Variants in ARHGEF28 observed in about 807,000 individuals in gnomAD.
The protein encoded by ARHGEF28 is Rho guanine nucleotide exchange factor 28.
Under a neutral mutation model 206.6 loss-of-function variants are expected in ARHGEF28, and 152 were observed. That is an observed-to-expected ratio of 0.74 (90% CI 0.64 to 0.84). The LOEUF is 0.84. Ranked by LOEUF, ARHGEF28 falls within the 40% of genes least tolerant of loss-of-function variation. The pLI, the probability that ARHGEF28 is intolerant of heterozygous loss-of-function variation, is 0.00. For synonymous variants in ARHGEF28, 763 were observed against 776.4 expected, an observed-to-expected ratio of 0.98 and a Z score of 0.29; for missense variants, 2,028 against 2,073.2, an observed-to-expected ratio of 0.98 and a Z score of 0.42.
chr5:73,909,588 G>C lies in ARHGEF28; in HGVS notation c.4338G>C (p.Gln1446His), dbSNP rs1193710537. Residue 1446 changes from glutamine to histidine, a missense_variant, in exon 34 of 36, where the codon CAG becomes CAC. Transcript: ENST00000513042. ...ELANVHQLQH[Q>H]LQQEQRRWLR... ...CCAATGTGCACCAGCTTCAGCACCA[G>C]CTCCAGCAGGAGCAGCGGCGCTGGC... 6.4e-7 allele frequency: 1 copy of C among 1,560,262 alleles called. No individual in the cohort carries two copies. The highest frequency in any genetic ancestry group is 1.2e-5 in the South Asian group (1 of 85,084).
chr5:73,657,723 A>AAGCC (rs1367701170), intron 1 of ARHGEF28, among the ~76,000 whole-genome samples: 2 of 152,208 alleles, frequency 1.3e-5, no homozygotes, highest in Admixed American at 6.5e-5. Flanking sequence ...TTCCTCACTC[A>AAGCC]TCAAAGACTT....
At chr5:73,666,150 G>T (rs934163970) in intron 1 of ARHGEF28, among the ~76,000 whole-genome samples, 8 of 152,152 alleles carry the variant, frequency 5.3e-5, no homozygotes, top group Admixed American at 4.6e-4. Flanking sequence ...GAAAAAAAGG[G>T]GTACCTGCTC....
At chr5:73,874,682 C>T (rs1760341778) in intron 22 of ARHGEF28, among the ~76,000 whole-genome samples, 1 of 149,874 alleles carries the variant, frequency 6.7e-6, no homozygotes, top group Admixed American at 6.7e-5. Flanking sequence ...GGTTTTTTGT[C>T]CTTGCGATAG....
At chr5:73,796,665 G>A (rs1161153757) in intron 9 of ARHGEF28, among the ~76,000 whole-genome samples, 1 of 152,186 alleles carries the variant, frequency 6.6e-6, no homozygotes, top group African/African-American at 2.4e-5. Flanking sequence ...TGCTGCATGT[G>A]GCCCTACTGA....
At chr5:73,667,575 GC>G (rs1746037330) in intron 1 of ARHGEF28, among the ~76,000 whole-genome samples, 1 of 152,182 alleles carries the variant, frequency 6.6e-6, no homozygotes, top group African/African-American at 2.4e-5. Context: ...ATAGACTCTG[GC>G]TTCCTTCTAT....
intron 2 of ARHGEF28, among the ~76,000 whole-genome samples, chr5:73,685,953 T>C (rs1181479963): frequency 6.6e-6 from 1 of 152,154 alleles, no homozygotes; most frequent in Non-Finnish European, 1.5e-5. Context: ...GAATCCTCAA[T>C]TGATGAGAAT....
At chr5:73,761,808 G>C (rs1393807999) in intron 4 of ARHGEF28, among the ~76,000 whole-genome samples, 5 of 152,030 alleles carry the variant, frequency 3.3e-5, no homozygotes, top group Non-Finnish European at 7.4e-5. Flanking sequence ...GTGAGCCTGG[G>C]TCCTTAGAAT....
At chr5:73,803,333 C>G (rs2129403) in intron 9 of ARHGEF28, 1 of 159,260 alleles carries the variant, frequency 6.3e-6, no homozygotes, top group Non-Finnish European at 1.5e-5. Flanking sequence ...TTAGAATCTT[C>G]GCATTTGAAA....
At chr5:73,877,702 G>A (rs1396827468) in intron 22 of ARHGEF28, among the ~76,000 whole-genome samples, 10 of 150,994 alleles carry the variant, frequency 6.6e-5, no homozygotes, top group Admixed American at 5.3e-4. Context: ...TCAGGAGCAG[G>A]TTGTTCAGTT....
chr5:73,771,626 A>G (rs1248971640), intron 4 of ARHGEF28, among the ~76,000 whole-genome samples: 6 of 151,754 alleles, frequency 4.0e-5, no homozygotes, highest in Admixed American at 3.9e-4. Context: ...TGTGTTGGGG[A>G]GTACACATGC....
intron 16 of ARHGEF28, among the ~76,000 whole-genome samples, chr5:73,858,840 G>A (rs1759212615): frequency 6.6e-6 from 1 of 152,162 alleles, no homozygotes; most frequent in African/African-American, 2.4e-5. Context: ...CTCAAGTATA[G>A]ACTGAAGTCC....
chr5:73,668,918 C>T (rs374719781), intron 1 of ARHGEF28, among the ~76,000 whole-genome samples: 26 of 152,264 alleles, frequency 1.7e-4, no homozygotes, highest in East Asian at 5.8e-4. Flanking sequence ...CCACTTCAAA[C>T]GCTTCAGTAA....
intron 11 of ARHGEF28, among the ~76,000 whole-genome samples, chr5:73,841,362 A>G (rs1161099221): frequency 2.0e-5 from 3 of 152,186 alleles, no homozygotes; most frequent in Admixed American, 1.3e-4. Flanking sequence ...TAGAATGCAA[A>G]TTAAAAAATA....
Position 73,890,422 on chromosome 5 carries a change from G to A in ARHGEF28, c.3388-1630G>A, listed in dbSNP as rs114933129. 2.1e-3 allele frequency among the ~76,000 whole-genome samples: 315 copies of A among 152,270 alleles called. 3 individuals are homozygous for A. The highest frequency in any genetic ancestry group is 7.0e-3 in the African/African-American group (291 of 41,534). ...ACATTGCATCAGGGAAACAGATAAG[G>A]GAGTAGGTCCATAATAGAATAAGCC... On this transcript the variant is annotated intron_variant, in intron 26 of 35. Transcript: ENST00000513042.
chr5:73,847,183 T>G (rs1358721389), intron 12 of ARHGEF28, among the ~76,000 whole-genome samples: 3 of 152,240 alleles, frequency 2.0e-5, no homozygotes, highest in African/African-American at 7.2e-5. Context: ...TATAAAACAA[T>G]GTGTGCTATG....
At chr5:73,711,822 T>G (rs1202565742) in intron 2 of ARHGEF28, among the ~76,000 whole-genome samples, 1 of 152,058 alleles carries the variant, frequency 6.6e-6, no homozygotes, top group East Asian at 1.9e-4. Flanking sequence ...TTTGTGCCAT[T>G]TTTTTCCATA....
intron 35 of ARHGEF28, among the ~76,000 whole-genome samples, chr5:73,935,701 C>T (rs1390374597): frequency 3.9e-5 from 6 of 152,038 alleles, no homozygotes; most frequent in African/African-American, 7.3e-5. Context: ...TAAAGCCCCC[C>T]GCCTTTTTTT....
At chr5:73,638,261 A>C (rs1483176996) in intron 1 of ARHGEF28, among the ~76,000 whole-genome samples, 1 of 152,196 alleles carries the variant, frequency 6.6e-6, no homozygotes, top group Non-Finnish European at 1.5e-5. Context: ...TGATTCCTTT[A>C]TATTCCAGTT....
At chr5:73,844,190 T>G (rs1197398721) in intron 11 of ARHGEF28, among the ~76,000 whole-genome samples, 2 of 152,190 alleles carry the variant, frequency 1.3e-5, no homozygotes, top group East Asian at 3.8e-4. Context: ...GTATGCAAAA[T>G]AAAATACTGA....
Sources: gnomAD v4.1 joint callset for allele counts (sites outside exome capture counted in the v4.1 genomes callset) on GRCh38, gnomAD v4.1.1 for gene constraint, MANE v1.5 for transcripts, NCBI Gene and HGNC (gene_info 2026-07-23, HGNC 2026-07-21) for gene names.